MITF: variants seen among roughly 807,000 people sequenced by gnomAD.
MITF encodes melanocyte inducing transcription factor, also known as microphthalmia-associated transcription factor.
MITF carries 17 observed loss-of-function variants against 60.5 expected under a neutral mutation model. That is an observed-to-expected ratio of 0.28 (90% confidence interval 0.19 to 0.42). The LOEUF is 0.42. Among genes scored for constraint, MITF ranks in the 10% least tolerant of loss-of-function variants. The pLI is 1.00. For missense variants in MITF, 622 were observed against 683.5 expected, an observed-to-expected ratio of 0.91 and a Z score of 1.00; for synonymous variants, 260 against 248.5, an observed-to-expected ratio of 1.05 and a Z score of -0.43.
At chr3:69,842,796 A>G (rs2063663463) in intron 1 of MITF, among the ~76,000 whole-genome samples, 1 of 152,164 alleles carries the variant, frequency 6.6e-6, no homozygotes, top group Admixed American at 6.5e-5. Flanking sequence ...GTATGTCAGG[A>G]GCCCAGTGTG....
intron 1 of MITF, among the ~76,000 whole-genome samples, chr3:69,780,960 A>T (rs2062553403): frequency 6.6e-6 from 1 of 152,158 alleles, no homozygotes; most frequent in African/African-American, 2.4e-5. Flanking sequence ...TGAAATCAAG[A>T]TGTCTAGATA....
At chr3:69,841,880 T>A (rs1439122056) in intron 1 of MITF, among the ~76,000 whole-genome samples, 2 of 152,198 alleles carry the variant, frequency 1.3e-5, no homozygotes, top group African/African-American at 4.8e-5. Context: ...AATATCAAAA[T>A]GTTTACCTGT....
chr3:69,865,292 G>A (rs2064091197), intron 1 of MITF, among the ~76,000 whole-genome samples: 1 of 152,170 alleles, frequency 6.6e-6, no homozygotes, highest in South Asian at 2.1e-4. Context: ...TAGGCACAGA[G>A]AGGTGAAGTA....
At chr3:69,914,178 A>C (rs900956386) in intron 2 of MITF, among the ~76,000 whole-genome samples, 1 of 152,088 alleles carries the variant, frequency 6.6e-6, no homozygotes, top group Non-Finnish European at 1.5e-5. Flanking sequence ...CTGGAGTACA[A>C]TGGTGTGATC....
At chr3:69,955,584 C>T (rs750460579) in intron 7 of MITF, among the ~76,000 whole-genome samples, 1 of 151,966 alleles carries the variant, frequency 6.6e-6, no homozygotes, top group Non-Finnish European at 1.5e-5. Flanking sequence ...GAGGCTGAGG[C>T]GGATAGATCA....
chr3:69,781,492 G>A (rs1285013064), intron 1 of MITF, among the ~76,000 whole-genome samples: 1 of 152,046 alleles, frequency 6.6e-6, no homozygotes, highest in Non-Finnish European at 1.5e-5. Flanking sequence ...CGACACCAGC[G>A]AGCATTAAAC....
intron 9 of MITF, among the ~76,000 whole-genome samples, chr3:69,960,013 G>T (rs1044618158): frequency 6.6e-6 from 1 of 152,160 alleles, no homozygotes; most frequent in African/African-American, 2.4e-5. Context: ...CATAAAACAA[G>T]ATTAAGTGTT....
At chr3:69,944,353 G>A (rs2066043115) in intron 5 of MITF, among the ~76,000 whole-genome samples, 1 of 152,008 alleles carries the variant, frequency 6.6e-6, no homozygotes, top group Admixed American at 6.6e-5. Flanking sequence ...GCCCTTGAGG[G>A]GAGAAGGACA....
At chr3:69,895,714 G>A (rs1400857311) in intron 2 of MITF, among the ~76,000 whole-genome samples, 1 of 151,902 alleles carries the variant, frequency 6.6e-6, no homozygotes, top group East Asian at 1.9e-4. Context: ...GATTTACAAT[G>A]TGACTCACTT....
intron 1 of MITF, among the ~76,000 whole-genome samples, chr3:69,758,406 A>G (rs2062162562): frequency 6.6e-6 from 1 of 152,038 alleles, no homozygotes; most frequent in South Asian, 2.1e-4. Flanking sequence ...CTTGGCCTCA[A>G]GCAATCCTCC....
chr3:69,910,263 C>A (rs376972190), intron 2 of MITF, among the ~76,000 whole-genome samples: 1 of 152,216 alleles, frequency 6.6e-6, no homozygotes, highest in African/African-American at 2.4e-5. Context: ...GTTTGGGAAC[C>A]TTTGTCCAGA....
intron 1 of MITF, among the ~76,000 whole-genome samples, chr3:69,820,233 T>C (rs62251040): frequency 0.15 from 23,556 of 152,274 alleles, 2,123 homozygotes; most frequent in South Asian, 0.21. Context: ...TTCTTTTTAA[T>C]GTGGCTACTA....
intron 5 of MITF, among the ~76,000 whole-genome samples, chr3:69,946,224 C>G (rs1425911228): frequency 6.6e-6 from 1 of 152,120 alleles, no homozygotes; most frequent in Non-Finnish European, 1.5e-5. Flanking sequence ...AGAGAACTTG[C>G]TTAATATCAC....
intron 1 of MITF, among the ~76,000 whole-genome samples, chr3:69,830,204 C>G (rs9869929): frequency 0.022 from 3,356 of 152,226 alleles, 117 homozygotes; most frequent in African/African-American, 0.076. Context: ...CAAAGAATCA[C>G]TGGTGTACAG....
intron 2 of MITF, among the ~76,000 whole-genome samples, chr3:69,935,393 T>A (rs1229748300): frequency 6.6e-6 from 1 of 152,236 alleles, no homozygotes; most frequent in Admixed American, 6.5e-5. Flanking sequence ...AATTAACATT[T>A]ATTTTTAAAC....
At chr3:69,856,979 A>C (rs1269075821) in intron 1 of MITF, among the ~76,000 whole-genome samples, 1 of 151,858 alleles carries the variant, frequency 6.6e-6, no homozygotes, top group South Asian at 2.1e-4. Flanking sequence ...AAGTCAGATC[A>C]TCGTTAGAGG....
chr3:69,889,379 G>C (rs533927382), intron 2 of MITF, among the ~76,000 whole-genome samples: 34 of 151,488 alleles, frequency 2.2e-4, no homozygotes. Context: ...CTCGCCCTGG[G>C]GAGTTTTTGC....
intron 2 of MITF, among the ~76,000 whole-genome samples, chr3:69,901,789 G>A (rs1235764719): frequency 6.6e-6 from 1 of 152,186 alleles, no homozygotes; most frequent in Non-Finnish European, 1.5e-5. Flanking sequence ...AGTACTTTGA[G>A]CCTTGACGAC....
At chr3:69,875,735 A>T (rs1181767382) in intron 1 of MITF, among the ~76,000 whole-genome samples, 1 of 152,266 alleles carries the variant, frequency 6.6e-6, no homozygotes, top group Non-Finnish European at 1.5e-5. Flanking sequence ...TTGTCCTGCT[A>T]ACATTGTGAC....
Sources: gnomAD v4.1 joint callset for allele counts (sites outside exome capture counted in the v4.1 genomes callset) on GRCh38, gnomAD v4.1.1 for gene constraint, MANE v1.5 for transcripts, NCBI Gene and HGNC (gene_info 2026-07-23, HGNC 2026-07-21) for gene names.